Variants in ANKRD65 observed in about 807,000 individuals in gnomAD.
ANKRD65 encodes the protein ankyrin repeat domain-containing protein 65.
ANKRD65 carries 26 observed loss-of-function variants against 17.2 expected under a neutral mutation model. That is an observed-to-expected ratio of 1.51 (90% CI 1.11 to 2.09). The LOEUF is 2.09. ANKRD65 is among the 30% of genes most tolerant of loss of function. The pLI, the probability that ANKRD65 is intolerant of heterozygous loss-of-function variation, is 0.00. For missense variants in ANKRD65, 621 were observed against 542.2 expected (o/e 1.15, Z -1.44); for synonymous variants, 311 against 272.2 (o/e 1.14, Z -1.40).
At position 1,420,181 on chromosome 1, in the gene ANKRD65, C is replaced by G; in HGVS notation, c.621G>C (p.Leu207=). Residue 207 remains leucine (L), a synonymous_variant, in exon 3 of 4, where the codon CTG becomes CTC. Transcript: ENST00000537107. The part of the protein sequence containing the change: ...AAGGAGLDGA[L]LVAAAAGRGA... Reference sequence around the variant, plus strand: ...CGCGCCCCGCAGCGGCAGCCACGAGCAGGGCGCCGTCCAGGCCCGCGCCGC... The same window carrying G: ...CGCGCCCCGCAGCGGCAGCCACGAGGAGGGCGCCGTCCAGGCCCGCGCCGC... 5.6e-6 allele frequency: 6 copies of G among 1,064,298 alleles called. No individual in the cohort carries two copies. Among genetic ancestry groups the G allele is most frequent in the Non-Finnish European group, 6.8e-6 (6 of 883,986 alleles). 65.9% of individuals were successfully genotyped at this position (1,064,298 alleles called of 1,614,324 possible).
At chr1:1,420,652 C>T (rs927366432) in intron 2 of ANKRD65, 60 bp from the exon 3 acceptor site, 3 of 814,746 alleles carry the variant, frequency 3.7e-6, no homozygotes, top group East Asian at 7.1e-5. Flanking sequence ...CCCCGCCCTG[C>T]CCCACCCCGT....
rs893092725 is a variant in ANKRD65, at chr1:1,420,061, G to A, written c.741C>T (p.Gly247=). 15 of 1,286,732 alleles carry A rather than the reference G, an allele frequency of 1.2e-5. No individual in the cohort carries two copies. The East Asian group carries it at 2.9e-4, about 25-fold the overall frequency. The allele number at this position is 1,286,732 out of a possible 1,614,324, so 79.7% of individuals were successfully genotyped here. A position where few individuals can be genotyped will look rare whatever the true frequency, so the allele number is the denominator to read the frequency against. ...ATALGLAAAL[G]RSQDIEVLLG... ...GGAGGGCGGGACGTACCTGGGAGCG[G>A]CCTAGGGCGGCCGCCAGACCCAGCG... is the stretch of plus-strand genomic sequence containing the variant. Residue 247 remains glycine (G), a synonymous_variant, in exon 3 of 4, where the codon GGC becomes GGT. Coordinates refer to ENST00000537107, the MANE Select transcript of ANKRD65 (RefSeq NM_001145210.3).
chr1:1,418,694 G>T lies in ANKRD65; in HGVS notation c.*406C>A, dbSNP rs1320339407. ...TGAATAACATCGGTTTCTAAGTTAT[G>T]AATTGATTTTCAACTACTGGGTTTA... On this transcript the variant is annotated 3_prime_UTR_variant, in exon 4 of 4. Transcript: ENST00000537107. 12 of 168,708 alleles carry T rather than the reference G, an allele frequency of 7.1e-5. No individual in the cohort carries two copies. The South Asian group carries it at 7.9e-4, about 11-fold the overall frequency. The allele number at this position is 168,708 out of a possible 1,614,324, so 10.5% of individuals were successfully genotyped here.
In ANKRD65 at chr1:1,420,256, G is replaced by A. The variant is rs1645525579; in HGVS notation, c.546C>T (p.His182=). 12 of 997,574 alleles carry A rather than the reference G, an allele frequency of 1.2e-5. No individual in the cohort carries two copies. Among genetic ancestry groups the A allele is most frequent in the Non-Finnish European group, 1.4e-5 (12 of 840,164 alleles). 61.8% of individuals were successfully genotyped at this position (997,574 alleles called of 1,614,324 possible). A position where few individuals can be genotyped will look rare whatever the true frequency, so the allele number is the denominator to read the frequency against. The change falls in exon 3 of 4, where the codon CAC becomes CAT. Residue 182 remains histidine (H), a synonymous_variant. Coordinates refer to ENST00000537107, the MANE Select transcript of ANKRD65 (RefSeq NM_001145210.3). ...CCAGCCGCCCGCCCGCGGCCGCCCAGTGCGCCGCCGTCCAGCCGCGCGCGT... is the reference window on the plus strand; with the variant it reads ...CCAGCCGCCCGCCCGCGGCCGCCCAATGCGCCGCCGTCCAGCCGCGCGCGT... ...AEDARGWTAA[H]WAAAGGRLAV...
chr1:1,420,216 G>C lies in ANKRD65; in HGVS notation c.586C>G (p.Leu196Val). 5 of 992,754 alleles carry C rather than the reference G, an allele frequency of 5.0e-6. No individual in the cohort carries two copies. The highest frequency in any genetic ancestry group is 6.0e-6 in the Non-Finnish European group (5 of 836,622). The allele number at this position is 992,754 out of a possible 1,614,324, so 61.5% of individuals were successfully genotyped here. A position where few individuals can be genotyped will look rare whatever the true frequency, so the allele number is the denominator to read the frequency against. The part of the protein sequence containing the change: ...AGGRLAVLEL[L>V]AAGGAGLDGA... Reference sequence around the variant, plus strand: ...TCCAGGCCCGCGCCGCCGGCCGCCAGCAGCTCCAGCACCGCCAGCCGCCCG... The same window carrying C: ...TCCAGGCCCGCGCCGCCGGCCGCCACCAGCTCCAGCACCGCCAGCCGCCCG... The change falls in exon 3 of 4, where the codon CTG becomes GTG. Residue 196 changes from leucine to valine, a missense_variant. Leu to Val is a conservative substitution (Grantham distance 32, BLOSUM62 1). Coordinates refer to ENST00000537107, the MANE Select transcript of ANKRD65 (RefSeq NM_001145210.3).
intron 3 of ANKRD65, 134 bp downstream of exon 3, chr1:1,419,918 G>T: frequency 9.7e-7 from 1 of 1,028,732 alleles, no homozygotes; most frequent in Non-Finnish European, 1.2e-6. Flanking sequence ...GAGGGGCACA[G>T]CCGGGGGCGC....
Position 1,418,930 on chromosome 1 carries a change from G to T in ANKRD65, c.*170C>A, listed in dbSNP as rs762764038. 4 of 723,682 alleles carry T rather than the reference G, an allele frequency of 5.5e-6. No individual in the cohort carries two copies. Among genetic ancestry groups the T allele is most frequent in the Non-Finnish European group, 8.7e-6 (4 of 458,996 alleles). 44.8% of individuals were successfully genotyped at this position (723,682 alleles called of 1,614,324 possible). A position where few individuals can be genotyped will look rare whatever the true frequency, so the allele number is the denominator to read the frequency against. ...CAGTGGGCCCTCCTGGGAGCTGGGGGCCATCCCTGGTCCAGCCAAGGCCTG... is the reference window on the plus strand; with the variant it reads ...CAGTGGGCCCTCCTGGGAGCTGGGGTCCATCCCTGGTCCAGCCAAGGCCTG... On this transcript the variant is annotated 3_prime_UTR_variant, in exon 4 of 4. Coordinates refer to ENST00000537107, the MANE Select transcript of ANKRD65 (RefSeq NM_001145210.3).
chr1:1,420,502 C>A lies in ANKRD65; in HGVS notation c.300G>T (p.Val100=). 3 of 1,274,614 alleles carry A rather than the reference C, an allele frequency of 2.4e-6. No individual in the cohort carries two copies. Among genetic ancestry groups the A allele is most frequent in the South Asian group, 3.0e-5 (1 of 33,580 alleles). The allele number at this position is 1,274,614 out of a possible 1,614,324, so 79.0% of individuals were successfully genotyped here. A position where few individuals can be genotyped will look rare whatever the true frequency, so the allele number is the denominator to read the frequency against. The change falls in exon 3 of 4, where the codon GTG becomes GTT. Residue 100 remains valine, a synonymous_variant. Coordinates refer to ENST00000537107, the MANE Select transcript of ANKRD65 (RefSeq NM_001145210.3). ...TGCGCCCCGCCCGGTCCACCGCGCC[C>A]ACCGGGGCCCCTCGCTGCAGCAGGA... ...VRLLLQRGAP[V]GAVDRAGRTA...
In ANKRD65 at chr1:1,419,545, A is replaced by G. The variant is rs1206886254; in HGVS notation, c.755T>C (p.Ile252Thr). 2.4e-5 allele frequency: 37 copies of G among 1,529,668 alleles called. No homozygotes were observed. The highest frequency in any genetic ancestry group is 9.6e-5 in the South Asian group (8 of 83,280). The allele number at this position is 1,529,668 out of a possible 1,614,324, so 94.8% of individuals were successfully genotyped here. A position where few individuals can be genotyped will look rare whatever the true frequency, so the allele number is the denominator to read the frequency against. Reference protein sequence around the residue: ...LAAALGRSQDIEVLLGHGADP... With the variant: ...LAAALGRSQDTEVLLGHGADP... The stretch of plus-strand genomic sequence containing the variant: ...TGCCCCGTGGCCCAGCAGCACCTCA[A>G]TGTCCTAGAAGAGGAGAGAAAAGCA... The change falls in exon 4 of 4, where the codon ATT (isoleucine) becomes ACT (threonine). Residue 252 changes from isoleucine (I) to threonine (T), a missense_variant. By Grantham distance (89) the Ile-to-Thr change is moderately conservative. Transcript: ENST00000537107.
Position 1,420,459 on chromosome 1 carries a change from C to G in ANKRD65, c.343G>C (p.Ala115Pro), listed in dbSNP as rs1359860618. 1 of 1,301,910 alleles carries G rather than the reference C, an allele frequency of 7.7e-7. No individual in the cohort carries two copies. Among genetic ancestry groups the G allele is most frequent in the African/African-American group, 1.6e-5 (1 of 63,906 alleles). 80.6% of individuals were successfully genotyped at this position (1,301,910 alleles called of 1,614,324 possible). ...GCCACCCGCGAGTGTCCGTGCCAGG[C>G]GGCCTCGTGCAGCGCGGTGCGCCCC... ...RAGRTALHEA[A>P]WHGHSRVAEL... Residue 115 changes from alanine to proline, a missense_variant, in exon 3 of 4, where the codon GCC (alanine) becomes CCC (proline). Coordinates refer to ENST00000537107, the MANE Select transcript of ANKRD65 (RefSeq NM_001145210.3).
chr1:1,420,400 C>G lies in ANKRD65; in HGVS notation c.402G>C (p.Ala134=). Residue 134 remains alanine, a synonymous_variant, in exon 3 of 4, where the codon GCG becomes GCC. Coordinates refer to ENST00000537107, the MANE Select transcript of ANKRD65 (RefSeq NM_001145210.3). Reference sequence around the variant, plus strand: ...GCGTGAGGCCCGTCCCGGAGCGAGCCGCCGCCGAGGCCCCGCGCTGCAGCA... The same window carrying G: ...GCGTGAGGCCCGTCCCGGAGCGAGCGGCCGCCGAGGCCCCGCGCTGCAGCA... The part of the protein sequence containing the change: ...ELLLQRGASA[A]ARSGTGLTPL... 1 of 1,315,608 alleles carries G rather than the reference C, an allele frequency of 7.6e-7. No homozygotes were observed. Among genetic ancestry groups the G allele is most frequent in the Non-Finnish European group, 9.7e-7 (1 of 1,027,888 alleles). The allele number at this position is 1,315,608 out of a possible 1,614,324, so 81.5% of individuals were successfully genotyped here. A position where few individuals can be genotyped will look rare whatever the true frequency, so the allele number is the denominator to read the frequency against.
In ANKRD65 at chr1:1,418,916, C is replaced by T. The variant is rs1259301189; in HGVS notation, c.*184G>A. 1.6e-6 allele frequency: 1 copy of T among 638,174 alleles called. No individual in the cohort carries two copies. The highest frequency in any genetic ancestry group is 2.6e-6 in the Non-Finnish European group (1 of 385,356). 39.5% of individuals were successfully genotyped at this position (638,174 alleles called of 1,614,324 possible). ...TGGAGCTGCAGGGTCAGTGGGCCCT[C>T]CTGGGAGCTGGGGGCCATCCCTGGT... On this transcript the variant is annotated 3_prime_UTR_variant, in exon 4 of 4. Coordinates refer to ENST00000537107, the MANE Select transcript of ANKRD65 (RefSeq NM_001145210.3).
chr1:1,419,683 G>A (rs1645509801), intron 3 of ANKRD65, 134 bp from the exon 4 acceptor site: 3 of 883,182 alleles, frequency 3.4e-6, no homozygotes, highest in Non-Finnish European at 3.4e-6. Context: ...TCCTCATGTT[G>A]TGAGGCCGAA....
At chr1:1,419,644 C>A in intron 3 of ANKRD65, 95 bp from the exon 4 acceptor site, 1 of 1,195,648 alleles carries the variant, frequency 8.4e-7, no homozygotes, top group Non-Finnish European at 1.1e-6. Context: ...CTTCTGTCCC[C>A]GCAGCGGCCT....
At position 1,420,314 on chromosome 1, in the gene ANKRD65, G is replaced by A. The variant is rs548330365; in HGVS notation, c.488C>T (p.Pro163Leu). The A allele has an allele frequency of 2.1e-5, 23 of 1,095,592 alleles. No individual in the cohort carries two copies. The African/African-American group carries it at 3.4e-4, about 16-fold the overall frequency. The allele number at this position is 1,095,592 out of a possible 1,614,324, so 67.9% of individuals were successfully genotyped here. ...TLLAARLLEA[P>L]GPGPAAAEAE... ...CTCCGCTGCCGCGGGTCCCGGGCCC[G>A]GAGCCTCCAGCAGGCGCGCGGCCAG... is the stretch of plus-strand genomic sequence containing the variant. Residue 163 changes from proline to leucine, a missense_variant, in exon 3 of 4, where the codon CCG becomes CTG. Pro to Leu is a moderately conservative substitution (Grantham distance 98, BLOSUM62 -3). Transcript: ENST00000537107.
Position 1,419,234 on chromosome 1 carries a change from T to C in ANKRD65, c.1066A>G (p.Ser356Gly), listed in dbSNP as rs1003072800. The C allele has an allele frequency of 1.3e-6, 2 of 1,550,144 alleles. No individual in the cohort carries two copies. Among genetic ancestry groups the C allele is most frequent in the African/African-American group, 2.7e-5 (2 of 73,008 alleles). Reference protein sequence around the residue: ...GHGPTVGLLLSRGASPTLRTQ... With the variant: ...GHGPTVGLLLGRGASPTLRTQ... ...CGCAGAGTGGGGCTGGCCCCTCGGCTCAGCAGAAGCCCCACGGTAGGCCCA... is the reference window on the plus strand; with the variant it reads ...CGCAGAGTGGGGCTGGCCCCTCGGCCCAGCAGAAGCCCCACGGTAGGCCCA... Residue 356 changes from serine (S) to glycine (G), a missense_variant, in exon 4 of 4, where the codon AGC becomes GGC. By Grantham distance (56) the Ser-to-Gly change is moderately conservative (BLOSUM62 0). Coordinates refer to ENST00000537107, the MANE Select transcript of ANKRD65 (RefSeq NM_001145210.3).
rs551833443 is a variant in ANKRD65, at chr1:1,420,551, C to T, written c.251G>A (p.Arg84Gln). 8.3e-6 allele frequency: 11 copies of T among 1,330,110 alleles called. No individual in the cohort carries two copies. In the East Asian group the frequency reaches 2.6e-4, roughly 32 times the overall value. 82.4% of individuals were successfully genotyped at this position (1,330,110 alleles called of 1,614,324 possible). The change falls in exon 3 of 4, where the codon CGG (arginine) becomes CAG (glutamine). Residue 84 changes from arginine to glutamine, a missense_variant. By Grantham distance (43) the Arg-to-Gln change is conservative. Transcript: ENST00000537107. ...GRTPLHLAVL[R>Q]GHAPLVRLLL... is the part of the protein sequence containing the mutation. The stretch of plus-strand genomic sequence containing the variant: ...GAGACGCACCAGGGGCGCGTGGCCC[C>T]GCAGCACGGCCAGGTGGAGCGGGGT...
chr1:1,418,913 C>T lies in ANKRD65; in HGVS notation c.*187G>A. 1.6e-6 allele frequency: 1 copy of T among 609,440 alleles called. No homozygotes were observed. Among genetic ancestry groups the T allele is most frequent in the Non-Finnish European group, 2.8e-6 (1 of 363,018 alleles). The allele number at this position is 609,440 out of a possible 1,614,324, so 37.8% of individuals were successfully genotyped here. On this transcript the variant is annotated 3_prime_UTR_variant, in exon 4 of 4. Transcript: ENST00000537107. ...GGCTGGAGCTGCAGGGTCAGTGGGC[C>T]CTCCTGGGAGCTGGGGGCCATCCCT...
Position 1,420,489 on chromosome 1 carries a change from G to T in ANKRD65, c.313C>A (p.Arg105=). 1 of 1,271,706 alleles carries T rather than the reference G, an allele frequency of 7.9e-7. No individual in the cohort carries two copies. Among genetic ancestry groups the T allele is most frequent in the South Asian group, 3.0e-5 (1 of 33,722 alleles). 78.8% of individuals were successfully genotyped at this position (1,271,706 alleles called of 1,614,324 possible). A position where few individuals can be genotyped will look rare whatever the true frequency, so the allele number is the denominator to read the frequency against. The part of the protein sequence containing the change: ...QRGAPVGAVD[R]AGRTALHEAA... ...TCGTGCAGCGCGGTGCGCCCCGCCCGGTCCACCGCGCCCACCGGGGCCCCT... is the reference window on the plus strand; with the variant it reads ...TCGTGCAGCGCGGTGCGCCCCGCCCTGTCCACCGCGCCCACCGGGGCCCCT... Residue 105 remains arginine, a synonymous_variant, in exon 3 of 4, where the codon CGG becomes AGG. Transcript: ENST00000537107.
Sources: allele counts gnomAD v4.1 joint callset, GRCh38; gene constraint gnomAD v4.1.1; transcripts MANE v1.5; gene names NCBI Gene and HGNC (gene_info 2026-07-23, HGNC 2026-07-21).